The following NMNAT1 variants were observed in gnomAD, a reference collection of about 807,000 sequenced individuals.
The protein encoded by NMNAT1 is nicotinamide nucleotide adenylyltransferase 1.
In NMNAT1, 11 loss-of-function variants were observed where a neutral mutation model predicts 16.7. The observed-to-expected ratio is 0.66, with a 90% CI of 0.41 to 1.09. The LOEUF (loss-of-function observed/expected upper bound fraction) is 1.09, where lower values mean the gene tolerates loss of function less well. Ranked by LOEUF, NMNAT1 falls within the 50% of genes least tolerant of loss-of-function variation. The pLI, the probability that NMNAT1 is intolerant of heterozygous loss-of-function variation, is 0.00. For synonymous variants in NMNAT1, 110 were observed against 119.8 expected (o/e 0.92, Z 0.53); for missense variants, 280 against 332.3 (o/e 0.84, Z 1.22).
intron 3 of NMNAT1, among the ~76,000 whole-genome samples, chr1:9,977,907 T>A (rs1195364578): frequency 2.6e-5 from 4 of 151,898 alleles, no homozygotes; most frequent in Non-Finnish European, 1.5e-5. Flanking sequence ...GAAGTCAGGG[T>A]CACTCCTCCG....
At position 9,972,144 on chromosome 1, in the gene NMNAT1, A is replaced by C; in HGVS notation, c.71A>C (p.His24Pro). 1 of 1,612,856 alleles carries C rather than the reference A, an allele frequency of 6.2e-7. No homozygotes were observed. Among genetic ancestry groups the C allele is most frequent in the South Asian group, 1.1e-5 (1 of 91,050 alleles). Residue 24 changes from histidine (H) to proline (P), a missense_variant, in exon 2 of 5, where the codon CAC becomes CCC. Transcript: ENST00000377205. The stretch of plus-strand genomic sequence containing the variant: ...TCATTCAATCCCATCACCAACATGC[A>C]CCTCAGGTTGTTTGAGCTGGCCAAG... ...CGSFNPITNM[H>P]LRLFELAKDY...
Position 9,972,205 on chromosome 1 carries a change from A to C in NMNAT1, c.115+17A>C. 3 of 1,429,492 alleles carry C rather than the reference A, an allele frequency of 2.1e-6. No individual in the cohort carries two copies. The highest frequency in any genetic ancestry group is 3.0e-6 in the Non-Finnish European group (3 of 1,013,862). The allele number at this position is 1,429,492 out of a possible 1,614,324, so 88.6% of individuals were successfully genotyped here. ...ATGGAACAGGTAGGAGCAGTAACCA[A>C]AAGTGGCTTAAGACTAGAGAACCAG... On this transcript the variant is annotated intron_variant, in intron 2 of 4. Transcript: ENST00000377205.
intron 1 of NMNAT1, among the ~76,000 whole-genome samples, chr1:9,948,293 G>A (rs1205174370): frequency 1.3e-5 from 2 of 152,018 alleles, no homozygotes; most frequent in Admixed American, 6.6e-5. Flanking sequence ...TGGAGTTGTC[G>A]GCCAGGTGAG....
Position 9,965,375 on chromosome 1 carries a change from T to A in NMNAT1, c.-56-6643T>A, listed in dbSNP as rs575670838. ...ATTTTTAAGACATTCTTTGGATATATAAGAATATTTATTACTTTTTAATTT... is the reference window on the plus strand; with the variant it reads ...ATTTTTAAGACATTCTTTGGATATAAAAGAATATTTATTACTTTTTAATTT... On this transcript the variant is annotated intron_variant, in intron 1 of 4. Transcript: ENST00000377205. Among the ~76,000 whole-genome samples the A allele has an allele frequency of 2.6e-5, 4 of 151,344 alleles. No individual in the cohort carries two copies. The South Asian group carries it at 8.3e-4, about 32-fold the overall frequency.
At chr1:9,951,861 AT>A (rs1641120476) in intron 1 of NMNAT1, among the ~76,000 whole-genome samples, 1 of 152,188 alleles carries the variant, frequency 6.6e-6, no homozygotes, top group Non-Finnish European at 1.5e-5. Context: ...CTCTTGTAGA[AT>A]TTTTAAACTT....
intron 1 of NMNAT1, among the ~76,000 whole-genome samples, chr1:9,949,210 C>T (rs1282001573): frequency 2.0e-5 from 3 of 150,096 alleles, no homozygotes; most frequent in South Asian, 2.1e-4. Context: ...GAGATTTCAG[C>T]GAGCCGAAAT....
In NMNAT1 at chr1:9,982,919, A is replaced by T; in HGVS notation, c.*218A>T. The T allele has an allele frequency of 2.4e-6, 1 of 423,376 alleles. No homozygotes were observed. Among genetic ancestry groups the T allele is most frequent in the Non-Finnish European group, 4.3e-6 (1 of 232,796 alleles). 26.2% of individuals were successfully genotyped at this position (423,376 alleles called of 1,614,324 possible). ...TCAAGAGATCGAGACCATCCTGGCC[A>T]ATATGGTGAAACCCCATCTCTACTA... On this transcript the variant is annotated 3_prime_UTR_variant, in exon 5 of 5. Transcript: ENST00000377205.
chr1:9,971,884 C>A (rs1023001918), intron 1 of NMNAT1, 134 bp from the exon 2 acceptor site: 1 of 524,168 alleles, frequency 1.9e-6, no homozygotes, highest in Non-Finnish European at 3.5e-6. Flanking sequence ...GTGGGAGCAT[C>A]ACTTGAGCCC....
chr1:9,993,207 G>A, the NMNAT1 span, among the ~76,000 whole-genome samples: 540 of 152,120 alleles, frequency 3.5e-3, 5 homozygotes, highest in African/African-American at 0.013. Flanking sequence ...GGCCAGGAGC[G>A]GTGGCTCGCA....
intron 1 of NMNAT1, among the ~76,000 whole-genome samples, chr1:9,962,794 G>A (rs917499570): frequency 4.4e-5 from 6 of 137,876 alleles, no homozygotes; most frequent in Non-Finnish European, 9.1e-5. Flanking sequence ...CCATTCTCCC[G>A]CCTCAGCCTC....
At chr1:9,994,972 T>C in the NMNAT1 span, among the ~76,000 whole-genome samples, 1 of 152,120 alleles carries the variant, frequency 6.6e-6, no homozygotes, top group Non-Finnish European at 1.5e-5. Context: ...GGTCTCAAAC[T>C]CCTGACCTCA....
Position 9,982,195 on chromosome 1 carries a change from C to T in NMNAT1, c.440-106C>T, listed in dbSNP as rs115635479. 9,750 of 1,417,978 alleles carry T rather than the reference C, an allele frequency of 6.9e-3. 87 individuals are homozygous for T. The highest frequency in any genetic ancestry group is 0.036 in the African/African-American group (2,480 of 69,632). 87.8% of individuals were successfully genotyped at this position (1,417,978 alleles called of 1,614,324 possible). A position where few individuals can be genotyped will look rare whatever the true frequency, so the allele number is the denominator to read the frequency against. On this transcript the variant is annotated intron_variant, in intron 4 of 4. Coordinates refer to ENST00000377205, the MANE Select transcript of NMNAT1 (RefSeq NM_022787.4). ...TCATCCTTGAAAAGCACATACGTAT[C>T]TTCATTTTGATACAGTGGGTTATTA...
chr1:9,991,159 C>T, the NMNAT1 span, among the ~76,000 whole-genome samples: 1 of 149,776 alleles, frequency 6.7e-6, no homozygotes, highest in South Asian at 2.1e-4. Flanking sequence ...AAGATTTCTG[C>T]ATATCCTGTT....
intron 1 of NMNAT1, among the ~76,000 whole-genome samples, chr1:9,971,383 G>A (rs987640234): frequency 3.9e-5 from 6 of 151,924 alleles, no homozygotes; most frequent in African/African-American, 7.2e-5. Context: ...GCACAGTCTC[G>A]GCTCACTGCA....
intron 1 of NMNAT1, among the ~76,000 whole-genome samples, chr1:9,971,503 G>A (rs962175888): frequency 1.3e-5 from 2 of 151,938 alleles, no homozygotes; most frequent in African/African-American, 2.4e-5. Context: ...TTGTAAAGAC[G>A]AGGTTTTACC....
At chr1:9,987,440 A>G (rs1570721062), downstream of NMNAT1, among the ~76,000 whole-genome samples, 1 of 151,910 alleles carries the variant, frequency 6.6e-6, no homozygotes, top group African/African-American at 2.4e-5. Flanking sequence ...GGAGATCAAG[A>G]CCATCCTGGC....
At chr1:9,972,354 A>G in intron 2 of NMNAT1, 166 bp downstream of exon 2, 1 of 522,610 alleles carries the variant, frequency 1.9e-6, no homozygotes, top group South Asian at 2.2e-5. Flanking sequence ...ACTAAAAAAT[A>G]CGAAAATTCA....
chr1:9,974,890 AG>A (rs1378629478), intron 2 of NMNAT1, among the ~76,000 whole-genome samples: 1 of 152,154 alleles, frequency 6.6e-6, no homozygotes, highest in Admixed American at 6.6e-5. Flanking sequence ...TGGATGCTAA[AG>A]CTCACTATTT....
At chr1:9,954,178 T>C (rs1218860115) in intron 1 of NMNAT1, among the ~76,000 whole-genome samples, 1 of 152,142 alleles carries the variant, frequency 6.6e-6, no homozygotes, top group Non-Finnish European at 1.5e-5. Context: ...TTTCTTAAAC[T>C]TCTCCACATT....
Sources: allele counts gnomAD v4.1 joint callset (sites outside exome capture counted in the v4.1 genomes callset), GRCh38; gene constraint gnomAD v4.1.1; transcripts MANE v1.5; gene names NCBI Gene and HGNC (gene_info 2026-07-23, HGNC 2026-07-21).